RBM39: variants seen among roughly 807,000 people sequenced by gnomAD.
The protein encoded by RBM39 is RNA-binding protein 39.
RBM39 carries 12 observed loss-of-function variants against 79.6 expected under a neutral mutation model. The ratio of observed to expected loss-of-function variants is 0.15; its 90% CI spans 0.10 to 0.24. The LOEUF (loss-of-function observed/expected upper bound fraction) is 0.24, where lower values mean the gene tolerates loss of function less well. Ranked by LOEUF, RBM39 falls within the 10% of genes least tolerant of loss-of-function variation. The pLI, the probability that RBM39 is intolerant of heterozygous loss-of-function variation, is 1.00. For synonymous variants in RBM39, 185 were observed against 208.4 expected (o/e 0.89, Z 0.97); for missense variants, 243 against 653.4 (o/e 0.37, Z 6.85).
chr20:35,713,194 G>T (rs1290694277), intron 11 of RBM39, 98 bp from the exon 12 acceptor site: 3 of 1,029,490 alleles, frequency 2.9e-6, no homozygotes, highest in Non-Finnish European at 1.4e-6. Context: ...AAAATAAATT[G>T]CAAGGAGGGC....
intron 11 of RBM39, chr20:35,713,572 G>A (rs1238552369): frequency 2.9e-5 from 4 of 139,212 alleles, no homozygotes; most frequent in East Asian, 2.3e-4. Context: ...TGATCCACCC[G>A]CCACAGCCTC....
At chr20:35,738,005 A>T (rs956139087) in intron 3 of RBM39, among the ~76,000 whole-genome samples, 2 of 151,850 alleles carry the variant, frequency 1.3e-5, no homozygotes, top group Admixed American at 1.3e-4. Context: ...AATAAAAAAA[A>T]AATTAGCCAG....
intron 6 of RBM39, among the ~76,000 whole-genome samples, chr20:35,727,109 C>T (rs1479035429): frequency 3.3e-5 from 5 of 151,762 alleles, no homozygotes; most frequent in Non-Finnish European, 7.4e-5. Flanking sequence ...CTTTTAAGGC[C>T]GGGAGTAGCG....
At chr20:35,731,880 ACTGCCATCT>A (rs2039407557) in intron 4 of RBM39, 52 bp downstream of exon 4, 2 of 1,407,176 alleles carry the variant, frequency 1.4e-6, no homozygotes, top group Admixed American at 3.8e-5. Context: ...CTCAAGTTAA[ACTGCCATCT>A]GAATACCCAG....
At chr20:35,727,666 T>TTTTTA (rs2038898261) in intron 6 of RBM39, among the ~76,000 whole-genome samples, 1 of 145,388 alleles carries the variant, frequency 6.9e-6, no homozygotes, top group African/African-American at 2.5e-5. Context: ...TTTTTTTTTT[T>TTTTTA]GAGACAGAGT....
chr20:35,722,863 G>A (rs561598413), intron 8 of RBM39, among the ~76,000 whole-genome samples: 1 of 151,344 alleles, frequency 6.6e-6, no homozygotes, highest in Non-Finnish European at 1.5e-5. Context: ...GAACCCAGGA[G>A]ACGGAGCTTG....
intron 4 of RBM39, chr20:35,731,266 G>A (rs2039337155): frequency 6.6e-6 from 1 of 152,072 alleles, no homozygotes; most frequent in Non-Finnish European, 1.5e-5. Context: ...TAGAATTGTA[G>A]GTGGTTAATA....
At chr20:35,715,316 A>G (rs1465083813) in intron 10 of RBM39, among the ~76,000 whole-genome samples, 3 of 152,122 alleles carry the variant, frequency 2.0e-5, no homozygotes, top group Non-Finnish European at 4.4e-5. Context: ...CTAGGATTAT[A>G]GGCGCCCGCC....
chr20:35,708,483 T>C (rs1327215262), intron 13 of RBM39, among the ~76,000 whole-genome samples: 1 of 152,138 alleles, frequency 6.6e-6, no homozygotes, highest in Non-Finnish European at 1.5e-5. Flanking sequence ...GAAAATCTTT[T>C]AAAAATCTCT....
Position 35,721,895 on chromosome 20 carries a change from C to A in RBM39, c.688-18G>T, listed in dbSNP as rs764012160. On this transcript the variant is annotated intron_variant, in intron 8 of 16. Transcript: ENST00000253363. ...TTTTCTGCCTAGAAGACAAAATACA[C>A]GTCACACAGAGATAACACACAGCAG... The A allele has an allele frequency of 2.1e-4, 343 of 1,609,982 alleles. No homozygotes were observed. The highest frequency in any genetic ancestry group is 2.2e-5 in the Non-Finnish European group (26 of 1,176,732).
Position 35,742,226 on chromosome 20 carries a change from GCTGCTTCC to G in RBM39, c.-307_-300del, listed in dbSNP as rs2040629625. 1 of 157,752 alleles carries G rather than the reference GCTGCTTCC, an allele frequency of 6.3e-6. No homozygotes were observed. The highest frequency in any genetic ancestry group is 1.4e-5 in the Non-Finnish European group (1 of 70,936). The allele number at this position is 157,752 out of a possible 1,614,324, so 9.8% of individuals were successfully genotyped here. On this transcript the variant is annotated 5_prime_UTR_variant, in exon 1 of 17. The change abolishes the stop of an existing upstream ORF in the 5' untranslated region. Transcript: ENST00000253363. ...CGACAAGCTCCCTGAAATGGCGGCCGCTGCTTCCCTGTACTCACATTCACCAGCACACA... is the reference window on the plus strand; with the variant it reads ...CGACAAGCTCCCTGAAATGGCGGCCGCTGTACTCACATTCACCAGCACACA...
chr20:35,713,666 C>CAAAAAAAAAAAAAAAAAAAAAA (rs56909848), intron 11 of RBM39: 8 of 34,730 alleles, frequency 2.3e-4, no homozygotes, highest in Non-Finnish European at 3.0e-4. Context: ...CCAACCAACA[C>CAAAAAAAAAAAAAAAAAAAAAA]AAAAAAAAAA....
At chr20:35,721,900 C>G (rs776664353) in intron 8 of RBM39, 23 bp from the exon 9 acceptor site, 2 of 1,609,692 alleles carry the variant, frequency 1.2e-6, no homozygotes, top group Non-Finnish European at 1.7e-6. Flanking sequence ...ATACACGTCA[C>G]ACAGAGATAA....
At chr20:35,725,193 A>G (rs759077375) in intron 6 of RBM39, 38 bp from the exon 7 acceptor site, 30 of 1,276,246 alleles carry the variant, frequency 2.4e-5, no homozygotes, top group Middle Eastern at 5.2e-4. Flanking sequence ...ATTTCATAAC[A>G]GATTTTAAAA....
At chr20:35,713,285 G>A (rs1164222702) in intron 11 of RBM39, 189 bp from the exon 12 acceptor site, 2 of 481,016 alleles carry the variant, frequency 4.2e-6, no homozygotes, top group East Asian at 3.3e-5. Context: ...CCCAGAGATC[G>A]AGACCAACCT....
At chr20:35,715,856 A>T (rs1242416206) in intron 10 of RBM39, among the ~76,000 whole-genome samples, 1 of 151,900 alleles carries the variant, frequency 6.6e-6, no homozygotes. Context: ...TTGCTCTGTT[A>T]CTTCACAGGA....
chr20:35,734,847 A>G (rs766743438), intron 3 of RBM39: 22 of 1,439,286 alleles, frequency 1.5e-5, no homozygotes, highest in Non-Finnish European at 2.0e-5. Context: ...TACATTAACT[A>G]AAGAAGGGTT....
chr20:35,723,256 C>T, intron 8 of RBM39, among the ~76,000 whole-genome samples: 1 of 151,710 alleles, frequency 6.6e-6, no homozygotes, highest in Non-Finnish European at 1.5e-5. Context: ...GAAAAGTTGT[C>T]CATTTGCATT....
intron 12 of RBM39, among the ~76,000 whole-genome samples, chr20:35,712,240 G>A (rs955318649): frequency 2.6e-5 from 4 of 151,686 alleles, no homozygotes; most frequent in Admixed American, 2.0e-4. Context: ...AGGCCAAGGT[G>A]GGCAGATCAC....
Sources: allele counts gnomAD v4.1 joint callset (sites outside exome capture counted in the v4.1 genomes callset), GRCh38; gene constraint gnomAD v4.1.1; transcripts MANE v1.5; gene names NCBI Gene and HGNC (gene_info 2026-07-23, HGNC 2026-07-21).